The following RAI2 variants were observed in gnomAD, a reference collection of about 807,000 sequenced individuals.
The protein encoded by RAI2 is retinoic acid induced 2, also known as retinoic acid-induced protein 2.
RAI2 carries 5 observed loss-of-function variants against 15.3 expected under a neutral mutation model. That is an observed-to-expected ratio of 0.33 (90% CI 0.17 to 0.69). RAI2 has a LOEUF of 0.69. RAI2 is among the 30% of genes least tolerant of loss of function. The pLI is 0.69. For missense variants in RAI2, 424 were observed against 424.7 expected (o/e 1.00, Z 0.01); for synonymous variants, 191 against 184.0 (o/e 1.04, Z -0.31).
At chrX:17,827,414 T>A (rs2067239273) in intron 1 of RAI2, among the ~76,000 whole-genome samples, 1 of 112,592 alleles carries the variant, frequency 8.9e-6, no homozygotes, top group Non-Finnish European at 1.9e-5. Flanking sequence ...ATACTATTTA[T>A]GTTTTATTTA....
At chrX:17,815,323 GCACACACACACACACACACACACA>G (rs5901632) in intron 1 of RAI2, among the ~76,000 whole-genome samples, 1 of 100,977 alleles carries the variant, frequency 9.9e-6, no homozygotes, top group Non-Finnish European at 2.0e-5. Context: ...GTGCACACGT[GCACACACACACACACACACACACA>G]CACACACACA....
chrX:17,811,332 C>T (rs2147221784), intron 1 of RAI2, among the ~76,000 whole-genome samples: 1 of 111,998 alleles, frequency 8.9e-6, no homozygotes, highest in African/African-American at 3.2e-5. Context: ...GGTTGGACAC[C>T]CAGAACCCCA....
rs1437237875 is a variant in RAI2, at chrX:17,835,559, T to C, written c.-25+25539A>G. Among the ~76,000 whole-genome samples the C allele has an allele frequency of 2.7e-5, 3 of 112,040 alleles. No homozygotes were observed. In the Admixed American group the frequency reaches 2.8e-4, roughly 11 times the overall value. On this transcript the variant is annotated intron_variant, in intron 1 of 1. Coordinates refer to ENST00000451717, the MANE Select transcript of RAI2 (RefSeq NM_021785.6). Reference sequence around the variant, plus strand: ...AGATCTGTATCTGCAATTTGACATCTTGCCCTCTTTAAATGCTGTAGGCCT... The same window carrying C: ...AGATCTGTATCTGCAATTTGACATCCTGCCCTCTTTAAATGCTGTAGGCCT...
At chrX:17,809,493 TTATG>T (rs1271322684) in intron 1 of RAI2, among the ~76,000 whole-genome samples, 8 of 111,906 alleles carry the variant, frequency 7.1e-5, no homozygotes, top group Non-Finnish European at 1.1e-4. Flanking sequence ...TAAAACTTAT[TTATG>T]TTTGTTTTAT....
intron 1 of RAI2, among the ~76,000 whole-genome samples, chrX:17,829,277 G>GA (rs11479454): frequency 0.05 from 2,592 of 51,907 alleles, 70 homozygotes; most frequent in East Asian, 0.21. Flanking sequence ...CATCTGTATG[G>GA]AAAAAAAAAA....
intron 1 of RAI2, among the ~76,000 whole-genome samples, chrX:17,805,936 G>A (rs2066974415): frequency 9.0e-6 from 1 of 111,562 alleles, no homozygotes; most frequent in South Asian, 3.8e-4. Flanking sequence ...AGAAAGCCTC[G>A]TTCGGTCTTT....
At chrX:17,807,224 T>C (rs1419954609) in intron 1 of RAI2, among the ~76,000 whole-genome samples, 3 of 111,522 alleles carry the variant, frequency 2.7e-5, no homozygotes, top group Non-Finnish European at 5.7e-5. Flanking sequence ...TCTTCTGAGA[T>C]CATCCCCCAC....
At chrX:17,823,413 T>G (rs185790232) in intron 1 of RAI2, among the ~76,000 whole-genome samples, 2 of 112,302 alleles carry the variant, frequency 1.8e-5, no homozygotes, top group Non-Finnish European at 3.8e-5. Context: ...TGGTTTTTCT[T>G]CTCAGCAGCT....
At chrX:17,834,259 T>C (rs745770775) in intron 1 of RAI2, among the ~76,000 whole-genome samples, 1 of 111,439 alleles carries the variant, frequency 9.0e-6, no homozygotes, top group East Asian at 2.8e-4. Flanking sequence ...TGGTGATTTA[T>C]TCTTCCTCCT....
intron 1 of RAI2, among the ~76,000 whole-genome samples, chrX:17,852,710 T>C (rs2067550789): frequency 8.9e-6 from 1 of 112,270 alleles, no homozygotes; most frequent in Non-Finnish European, 1.9e-5. Context: ...TGGCAACATT[T>C]CATCTGCTGT....
At chrX:17,843,234 G>C (rs1318440617) in intron 1 of RAI2, among the ~76,000 whole-genome samples, 1 of 111,724 alleles carries the variant, frequency 9.0e-6, no homozygotes. Flanking sequence ...ACGAGTGGCA[G>C]AGAAACTGAG....
chrX:17,804,372 C>G (rs1484861592), intron 1 of RAI2, among the ~76,000 whole-genome samples: 1 of 112,261 alleles, frequency 8.9e-6, no homozygotes, highest in African/African-American at 3.2e-5. Flanking sequence ...GGAGGCAACA[C>G]GTCTTTGATC....
chrX:17,809,404 G>A (rs770366799), intron 1 of RAI2, among the ~76,000 whole-genome samples: 2 of 111,535 alleles, frequency 1.8e-5, no homozygotes, highest in East Asian at 2.8e-4. Context: ...GGAGCCAAGC[G>A]TCAGAAACTG....
At chrX:17,843,248 G>A (rs1980985131) in intron 1 of RAI2, among the ~76,000 whole-genome samples, 1 of 111,560 alleles carries the variant, frequency 9.0e-6, no homozygotes. Context: ...AACTGAGCTC[G>A]TGAGCTGTGT....
At chrX:17,805,985 C>A (rs772319634) in intron 1 of RAI2, among the ~76,000 whole-genome samples, 3 of 112,312 alleles carry the variant, frequency 2.7e-5, no homozygotes, top group Non-Finnish European at 5.6e-5. Context: ...AACCTGCCAG[C>A]AAGCACCCCA....
At chrX:17,845,793 T>C (rs2067450060) in intron 1 of RAI2, among the ~76,000 whole-genome samples, 1 of 112,300 alleles carries the variant, frequency 8.9e-6, no homozygotes, top group Admixed American at 9.4e-5. Flanking sequence ...AAAAAGTCTT[T>C]TCTAATCATG....
chrX:17,825,717 A>G (rs932324464), intron 1 of RAI2, among the ~76,000 whole-genome samples: 1 of 112,500 alleles, frequency 8.9e-6, no homozygotes. Context: ...CATCATTGTG[A>G]CCATTACAGT....
At chrX:17,851,886 A>C (rs189302774) in intron 1 of RAI2, among the ~76,000 whole-genome samples, 231 of 112,405 alleles carry the variant, frequency 2.1e-3, no homozygotes, top group African/African-American at 7.2e-3. Context: ...TTCCCTATAG[A>C]AGGAAGACTG....
intron 1 of RAI2, among the ~76,000 whole-genome samples, chrX:17,803,988 C>A (rs1326325684): frequency 1.9e-5 from 2 of 104,481 alleles, no homozygotes; most frequent in African/African-American, 3.6e-5. Context: ...GAGAGGGAGT[C>A]CTGCTCTGCA....
Sources: gnomAD v4.1 joint callset for allele counts (sites outside exome capture counted in the v4.1 genomes callset) on GRCh38, gnomAD v4.1.1 for gene constraint, MANE v1.5 for transcripts, NCBI Gene and HGNC (gene_info 2026-07-23, HGNC 2026-07-21) for gene names.